Variants in TANGO6 observed in about 807,000 individuals in gnomAD.
TANGO6 encodes the protein transport and Golgi organization protein 6 homolog.
In TANGO6, 90 loss-of-function variants were observed where a neutral mutation model predicts 114.2. The ratio of observed to expected loss-of-function variants is 0.79; its 90% CI spans 0.66 to 0.94. The LOEUF (loss-of-function observed/expected upper bound fraction) is 0.94. TANGO6 is among the 40% of genes least tolerant of loss of function. TANGO6 has a pLI of 0.00. For synonymous variants in TANGO6, 477 were observed against 509.8 expected (o/e 0.94, Z 0.87); for missense variants, 1,274 against 1,315.3 (o/e 0.97, Z 0.49).
Position 69,023,009 on chromosome 16 carries a change from C to T in TANGO6, c.2994+30C>T, listed in dbSNP as rs780352885. Reference sequence around the variant, plus strand: ...TGTATTTTGATTCCTTTCTCTAAAGCGTGTTTTCACTTGGACCTACGATGC... The same window carrying T: ...TGTATTTTGATTCCTTTCTCTAAAGTGTGTTTTCACTTGGACCTACGATGC... On this transcript the variant is annotated intron_variant, in intron 16 of 17. Transcript: ENST00000261778. The T allele has an allele frequency of 7.8e-5, 119 of 1,531,770 alleles. No homozygotes were observed. In the Admixed American group the frequency reaches 1.2e-3, roughly 15 times the overall value. 94.9% of individuals were successfully genotyped at this position (1,531,770 alleles called of 1,614,324 possible). A position where few individuals can be genotyped will look rare whatever the true frequency, so the allele number is the denominator to read the frequency against.
At chr16:68,907,006 G>A (rs1394919999) in intron 9 of TANGO6, among the ~76,000 whole-genome samples, 2 of 151,654 alleles carry the variant, frequency 1.3e-5, no homozygotes, top group Non-Finnish European at 2.9e-5. Flanking sequence ...TGTTGGCCAG[G>A]CTAGTCTCAA....
intron 15 of TANGO6, among the ~76,000 whole-genome samples, chr16:68,999,361 G>A (rs1314385087): frequency 6.6e-6 from 1 of 152,184 alleles, no homozygotes; most frequent in East Asian, 1.9e-4. Flanking sequence ...CAGGGACTGT[G>A]TAGTTAAGGT....
chr16:69,067,732 G>T (rs1282833470), intron 17 of TANGO6, among the ~76,000 whole-genome samples: 2 of 151,938 alleles, frequency 1.3e-5, no homozygotes, highest in Admixed American at 6.6e-5. Flanking sequence ...GAAGTTGGGA[G>T]TTCAAGACCA....
intron 1 of TANGO6, among the ~76,000 whole-genome samples, chr16:68,855,455 G>A (rs894181498): frequency 3.3e-5 from 5 of 151,206 alleles, no homozygotes; most frequent in East Asian, 2.0e-4. Context: ...GGTGGCATGC[G>A]CCTGTAGTCC....
chr16:69,043,269 C>T (rs1567564473), intron 17 of TANGO6, among the ~76,000 whole-genome samples: 4 of 139,470 alleles, frequency 2.9e-5, no homozygotes, highest in East Asian at 2.1e-4. Flanking sequence ...TGAGAGCGAG[C>T]GAGAGACAGA....
At chr16:68,926,049 T>A (rs1963163057) in intron 12 of TANGO6, among the ~76,000 whole-genome samples, 1 of 150,740 alleles carries the variant, frequency 6.6e-6, no homozygotes, top group South Asian at 2.1e-4. Flanking sequence ...TTTTTTTTTT[T>A]AGAAGAAATT....
intron 1 of TANGO6, among the ~76,000 whole-genome samples, chr16:68,844,967 CTTT>C (rs200473627): frequency 3.0e-5 from 4 of 131,192 alleles, no homozygotes; most frequent in African/African-American, 5.8e-5. Context: ...AACGGCAACT[CTTT>C]TTTTTTTTTT....
At chr16:68,974,827 C>T (rs535851784) in intron 15 of TANGO6, among the ~76,000 whole-genome samples, 29 of 152,098 alleles carry the variant, frequency 1.9e-4, no homozygotes, top group South Asian at 8.3e-4. Flanking sequence ...GTAATCTCAG[C>T]GCTTTGGGAG....
intron 4 of TANGO6, 57 bp from the exon 5 acceptor site, chr16:68,875,097 T>C: frequency 6.5e-7 from 1 of 1,529,394 alleles, no homozygotes; most frequent in Non-Finnish European, 8.9e-7. Flanking sequence ...ATTTGTTACA[T>C]GGGACCTTCT....
intron 17 of TANGO6, among the ~76,000 whole-genome samples, chr16:69,056,203 C>G (rs527930920): frequency 5.6e-4 from 85 of 152,210 alleles, no homozygotes; most frequent in African/African-American, 2.0e-3. Context: ...GCCTCTTCTG[C>G]AAAATCATTT....
At position 69,022,991 on chromosome 16, in the gene TANGO6, T is replaced by C. The variant is rs1165403270; in HGVS notation, c.2994+12T>C. The C allele has an allele frequency of 6.4e-7, 1 of 1,558,824 alleles. No individual in the cohort carries two copies. Among genetic ancestry groups the C allele is most frequent in the Admixed American group, 2.1e-5 (1 of 46,592 alleles). On this transcript the variant is annotated intron_variant, in intron 16 of 17. Coordinates refer to ENST00000261778, the MANE Select transcript of TANGO6 (RefSeq NM_024562.2). ...CCGTGGTCCATGAGGTACTGTATTT[T>C]GATTCCTTTCTCTAAAGCGTGTTTT...
At chr16:68,957,194 C>T (rs1387427824) in intron 14 of TANGO6, among the ~76,000 whole-genome samples, 1 of 151,830 alleles carries the variant, frequency 6.6e-6, no homozygotes, top group Admixed American at 6.6e-5. Flanking sequence ...TAAAGTTGGC[C>T]ATTTTAATTA....
rs945182115 is a variant in TANGO6 at position 68,974,156 on chromosome 16, G to A, written c.2830G>A (p.Val944Ile). 2.2e-5 allele frequency: 36 copies of A among 1,613,828 alleles called. No individual in the cohort carries two copies. In the African/African-American group the frequency reaches 3.2e-4, roughly 14 times the overall value. ...MKVGEVLMRI[V>I]RALGDMVSKY... ...AGTCGGGGAAGTCCTTATGCGAATCGTCAGGGCATTAGGTGAGTTTTCTTG... is the reference window on the plus strand; with the variant it reads ...AGTCGGGGAAGTCCTTATGCGAATCATCAGGGCATTAGGTGAGTTTTCTTG... The change falls in exon 15 of 18, where the codon GTC becomes ATC. Residue 944 changes from valine (V) to isoleucine (I), a missense_variant. By Grantham distance (29) the Val-to-Ile change is conservative. Around this residue, in one of 5 missense-constraint regions of TANGO6, gnomAD observed 238 missense variants for 252.9 expected, o/e 0.94. Transcript: ENST00000261778.
chr16:68,873,579 G>T (rs1464972905), intron 4 of TANGO6, among the ~76,000 whole-genome samples: 2 of 152,210 alleles, frequency 1.3e-5, no homozygotes, highest in Admixed American at 6.5e-5. Flanking sequence ...TTCCCAAAGT[G>T]CTGGGATTAC....
chr16:69,074,997 C>G (rs188281464), intron 17 of TANGO6, among the ~76,000 whole-genome samples: 1 of 151,894 alleles, frequency 6.6e-6, no homozygotes, highest in Non-Finnish European at 1.5e-5. Context: ...TACAGGCATG[C>G]GCCACTACGC....
At chr16:69,025,771 CT>C (rs75186260) in intron 16 of TANGO6, 797 of 140,588 alleles carry the variant, frequency 5.7e-3, no homozygotes, top group East Asian at 0.01. Flanking sequence ...TGCACCTGGC[CT>C]TTTTTTTTTT....
intron 15 of TANGO6, among the ~76,000 whole-genome samples, chr16:69,013,569 A>G (rs1339591695): frequency 4.8e-5 from 7 of 146,796 alleles, no homozygotes; most frequent in Non-Finnish European, 9.0e-5. Flanking sequence ...ATAAGCCGTG[A>G]TTACACCACT....
intron 15 of TANGO6, among the ~76,000 whole-genome samples, chr16:69,002,905 G>A (rs1198189322): frequency 6.6e-6 from 1 of 151,908 alleles, no homozygotes; most frequent in Non-Finnish European, 1.5e-5. Context: ...AGTTGGGTCT[G>A]GTGGCACACA....
At chr16:68,972,432 C>T (rs917023904) in intron 14 of TANGO6, among the ~76,000 whole-genome samples, 1 of 152,158 alleles carries the variant, frequency 6.6e-6, no homozygotes, top group African/African-American at 2.4e-5. Context: ...TCAGTTTAAA[C>T]ACGAGAATGG....
Sources: allele counts gnomAD v4.1 joint callset (sites outside exome capture counted in the v4.1 genomes callset), GRCh38; gene constraint gnomAD v4.1.1; regional missense constraint gnomAD v4.1.1; transcripts MANE v1.5; gene names NCBI Gene and HGNC (gene_info 2026-07-23, HGNC 2026-07-21).